Variants in CD109 observed in about 807,000 individuals in gnomAD.
CD109 encodes the protein CD109 molecule.
Under a neutral mutation model 165.8 loss-of-function variants are expected in CD109, and 149 were observed. The observed-to-expected ratio is 0.90, with a 90% CI of 0.79 to 1.03. The LOEUF is 1.03. CD109 is among the 50% of genes least tolerant of loss of function. The pLI is 0.00. For missense variants in CD109, 1,712 were observed against 1,677.8 expected (o/e 1.02, Z -0.36); for synonymous variants, 585 against 592.1 (o/e 0.99, Z 0.18).
upstream of CD109, chr6:73,694,553 G>A (rs572081881): frequency 1.3e-5 from 2 of 152,300 alleles, no homozygotes; most frequent in Admixed American, 1.3e-4. Flanking sequence ...TTTATGAAGT[G>A]AAAGATTGAG....
intron 30 of CD109, among the ~76,000 whole-genome samples, chr6:73,818,088 G>A (rs1292151388): frequency 6.6e-6 from 1 of 152,030 alleles, no homozygotes; most frequent in Non-Finnish European, 1.5e-5. Flanking sequence ...CTGTTGAAAG[G>A]ATGTATATTG....
intron 19 of CD109, among the ~76,000 whole-genome samples, chr6:73,784,537 C>A (rs756587094): frequency 2.0e-5 from 3 of 152,124 alleles, no homozygotes; most frequent in Non-Finnish European, 2.9e-5. Context: ...AGACTGTCAC[C>A]CACTAACTAC....
At chr6:73,745,536 T>C (rs1172040230) in intron 5 of CD109, among the ~76,000 whole-genome samples, 1 of 152,194 alleles carries the variant, frequency 6.6e-6, no homozygotes, top group Non-Finnish European at 1.5e-5. Context: ...TCACCTTGTT[T>C]GCACGTTGGA....
chr6:73,817,346 C>T (rs145244022), intron 30 of CD109, among the ~76,000 whole-genome samples: 2 of 151,952 alleles, frequency 1.3e-5, no homozygotes, highest in African/African-American at 4.8e-5. Context: ...ATTTTTTTCT[C>T]ATATGCAAAC....
At chr6:73,802,289 G>GTGTGTGTA (rs71542231) in intron 23 of CD109, among the ~76,000 whole-genome samples, 6 of 78,206 alleles carry the variant, frequency 7.7e-5, no homozygotes, top group African/African-American at 1.8e-4. Flanking sequence ...GTGTGTGTGT[G>GTGTGTGTA]TATATATATA....
In CD109 at chr6:73,788,511, A is replaced by G. The variant is rs1022002061; in HGVS notation, c.2600A>G (p.Asp867Gly). 3 of 1,612,040 alleles carry G rather than the reference A, an allele frequency of 1.9e-6. No homozygotes were observed. The African/African-American group carries it at 4.0e-5, about 22-fold the overall frequency. ...TCATATTCACAATCCATCTTATTAG[A>G]CTTGACTGACAATAGGCTACAGAGT... ...EKSYSQSILL[D>G]LTDNRLQSTL... is the part of the protein sequence containing the mutation. Residue 867 changes from aspartate (D) to glycine (G), a missense_variant, in exon 22 of 33, where the codon GAC becomes GGC. Transcript: ENST00000287097.
chr6:73,775,049 T>C (rs1355846332), intron 15 of CD109, among the ~76,000 whole-genome samples: 2 of 152,158 alleles, frequency 1.3e-5, no homozygotes, highest in Non-Finnish European at 2.9e-5. Flanking sequence ...ATTAGCCTTC[T>C]TTTCGTTAGC....
chr6:73,692,043 T>TGG (rs11438282), upstream of CD109, among the ~76,000 whole-genome samples: 1 of 151,460 alleles, frequency 6.6e-6, no homozygotes, highest in South Asian at 2.1e-4. Context: ...CCAAAAGAGG[T>TGG]GGGGGGAGGT....
In CD109 at chr6:73,775,240, A is replaced by G. The variant is rs141495308; in HGVS notation, c.1827+3659A>G. 1.1e-3 allele frequency among the ~76,000 whole-genome samples: 167 copies of G among 152,164 alleles called. 1 individual carries two copies. The highest frequency in any genetic ancestry group is 3.9e-3 in the African/African-American group (160 of 41,532). On this transcript the variant is annotated intron_variant, in intron 15 of 32. Coordinates refer to ENST00000287097, the MANE Select transcript of CD109 (RefSeq NM_133493.5). ...GAGGTTATTGTGTATACATGAGGTT[A>G]TGGAATACATATAGGCAGTATAGTG... is the stretch of plus-strand genomic sequence containing the variant.
Position 73,798,456 on chromosome 6 carries a change from G to C in CD109, c.2879-4764G>C, listed in dbSNP as rs376044458. ...ATGGAAATTAGGCCTGATACACTGG[G>C]ACGATTTGGAGGACAGTCGAGGGAT... On this transcript the variant is annotated intron_variant, in intron 23 of 32. Coordinates refer to ENST00000287097, the MANE Select transcript of CD109 (RefSeq NM_133493.5). Among the ~76,000 whole-genome samples, 67 of 152,260 alleles carry C rather than the reference G, an allele frequency of 4.4e-4. No individual in the cohort carries two copies. In the South Asian group the frequency reaches 0.014, roughly 31 times the overall value.
At chr6:73,721,377 T>C (rs1477044959) in intron 2 of CD109, among the ~76,000 whole-genome samples, 1 of 151,822 alleles carries the variant, frequency 6.6e-6, no homozygotes, top group Non-Finnish European at 1.5e-5. Context: ...TTTTTTTTTT[T>C]TTTTTGAGAC....
chr6:73,739,855 A>AT (rs1326941830), intron 5 of CD109, among the ~76,000 whole-genome samples: 2 of 151,862 alleles, frequency 1.3e-5, no homozygotes, highest in Non-Finnish European at 2.9e-5. Flanking sequence ...CTAAAAAAAA[A>AT]GGAAGTATTT....
chr6:73,824,348 G>A lies in CD109; in HGVS notation c.*715G>A, dbSNP rs777705078. ...AGCATACTGAAAATTGCCCTGGGGG[G>A]TGCTGGGTGTGCTGTCTCCTTCCCA... is the stretch of plus-strand genomic sequence containing the variant. On this transcript the variant is annotated 3_prime_UTR_variant, in exon 33 of 33. Coordinates refer to ENST00000287097, the MANE Select transcript of CD109 (RefSeq NM_133493.5). 6.6e-6 allele frequency: 1 copy of A among 152,110 alleles called. No homozygotes were observed. The highest frequency in any genetic ancestry group is 2.4e-5 in the African/African-American group (1 of 41,376). 9.4% of individuals were successfully genotyped at this position (152,110 alleles called of 1,614,324 possible).
chr6:73,793,257 G>A (rs577016233), intron 23 of CD109, among the ~76,000 whole-genome samples: 4 of 152,320 alleles, frequency 2.6e-5, no homozygotes, highest in South Asian at 2.1e-4. Flanking sequence ...ACGCAGTGCC[G>A]TGTGGTGGGG....
chr6:73,722,028 G>A (rs943435831), intron 2 of CD109, among the ~76,000 whole-genome samples: 1 of 152,208 alleles, frequency 6.6e-6, no homozygotes, highest in African/African-American at 2.4e-5. Flanking sequence ...GAGCCACTGT[G>A]CCTGGCTATA....
In CD109 at chr6:73,811,021, T is replaced by C; in HGVS notation, c.3576T>C (p.Ser1192=). The C allele has an allele frequency of 1.2e-6, 2 of 1,613,360 alleles. No individual in the cohort carries two copies. Among genetic ancestry groups the C allele is most frequent in the Non-Finnish European group, 1.7e-6 (2 of 1,179,478 alleles). The change falls in exon 28 of 33, where the codon TCT becomes TCC. Residue 1192 remains serine, a synonymous_variant. Coordinates refer to ENST00000287097, the MANE Select transcript of CD109 (RefSeq NM_133493.5). ...CCACTGTGGCTTTAAAGGCTCTGTCTGAATTTGCAGCCCTAATGAATACAG... is the reference window on the plus strand; with the variant it reads ...CCACTGTGGCTTTAAAGGCTCTGTCCGAATTTGCAGCCCTAATGAATACAG... The part of the protein sequence containing the change: ...QDTTVALKAL[S]EFAALMNTER...
intron 30 of CD109, among the ~76,000 whole-genome samples, chr6:73,816,720 A>T (rs919826834): frequency 6.6e-6 from 1 of 152,204 alleles, no homozygotes; most frequent in African/African-American, 2.4e-5. Context: ...TACAGAAATT[A>T]ATGGAAACAA....
chr6:73,721,624 A>G (rs1771953431), intron 2 of CD109, among the ~76,000 whole-genome samples: 1 of 152,118 alleles, frequency 6.6e-6, no homozygotes, highest in African/African-American at 2.4e-5. Flanking sequence ...TCGGCCTCCC[A>G]AAGTGCTGGG....
At chr6:73,761,212 T>C (rs1374388621) in intron 7 of CD109, among the ~76,000 whole-genome samples, 1 of 152,192 alleles carries the variant, frequency 6.6e-6, no homozygotes, top group Non-Finnish European at 1.5e-5. Context: ...CTCGCTAATA[T>C]TGGAACATGT....
Sources: allele counts gnomAD v4.1 joint callset (sites outside exome capture counted in the v4.1 genomes callset), GRCh38; gene constraint gnomAD v4.1.1; transcripts MANE v1.5; gene names NCBI Gene and HGNC (gene_info 2026-07-23, HGNC 2026-07-21).